Variants in SRGAP3 observed in about 807,000 individuals in gnomAD.
SRGAP3 encodes SLIT-ROBO Rho GTPase activating protein 3, also known as SLIT-ROBO Rho GTPase-activating protein 3.
SRGAP3 carries 39 observed loss-of-function variants against 121.1 expected under a neutral mutation model. That is an observed-to-expected ratio of 0.32 (90% CI 0.25 to 0.42). The LOEUF (loss-of-function observed/expected upper bound fraction) is 0.42. Among genes scored for constraint, SRGAP3 ranks in the 10% least tolerant of loss-of-function variants. The probability of loss-of-function intolerance (pLI) is 1.00; values close to 1 mark genes in which losing one functional copy is unlikely to be tolerated. For synonymous variants in SRGAP3, 601 were observed against 570.0 expected, an observed-to-expected ratio of 1.05 and a Z score of -0.77; for missense variants, 1,213 against 1,470.6, an observed-to-expected ratio of 0.82 and a Z score of 2.86.
intron 17 of SRGAP3, among the ~76,000 whole-genome samples, chr3:9,010,988 C>T (rs1179738608): frequency 6.6e-6 from 1 of 152,098 alleles, no homozygotes; most frequent in Admixed American, 6.6e-5. Flanking sequence ...GCTACTACCC[C>T]CTCACTAGAT....
At position 9,185,478 on chromosome 3, in the gene SRGAP3, G is replaced by A. The variant is rs553816322; in HGVS notation, c.68-60561C>T. 6.7e-5 allele frequency among the ~76,000 whole-genome samples: 10 copies of A among 149,832 alleles called. No individual in the cohort carries two copies. In the East Asian group the frequency reaches 1.7e-3, roughly 26 times the overall value. On this transcript the variant is annotated intron_variant, in intron 1 of 21. Transcript: ENST00000383836. The stretch of plus-strand genomic sequence containing the variant: ...ATCAATGGCACCCCTTTGTTGGGGT[G>A]GGGGGGCACTGCACTGGATAAATGT...
intron 1 of SRGAP3, among the ~76,000 whole-genome samples, chr3:9,226,389 T>A (rs1449446855): frequency 6.6e-6 from 1 of 152,174 alleles, no homozygotes; most frequent in Non-Finnish European, 1.5e-5. Context: ...GATGCCTAAA[T>A]CCCCACTCTT....
At chr3:9,293,325 G>A (rs1029145924) in intron 3 of SRGAP3, 1 of 152,166 alleles carries the variant, frequency 6.6e-6, no homozygotes, top group African/African-American at 2.4e-5. Flanking sequence ...GTGCCTCCTG[G>A]AAGGCTGGTA....
intron 4 of SRGAP3, among the ~76,000 whole-genome samples, chr3:9,077,143 CCAGTGGTTCACA>C (rs921415014): frequency 1.3e-5 from 2 of 150,928 alleles, no homozygotes; most frequent in African/African-American, 4.9e-5. Context: ...CCGACAAGCC[CCAGTGGTTCACA>C]CACTACTCTT....
At chr3:9,204,308 G>C (rs1293209440) in intron 1 of SRGAP3, among the ~76,000 whole-genome samples, 1 of 152,256 alleles carries the variant, frequency 6.6e-6, no homozygotes, top group South Asian at 2.1e-4. Context: ...GCCCTGGACA[G>C]AGCCTTAGCC....
At chr3:9,024,556 A>T (rs981396974) in intron 14 of SRGAP3, among the ~76,000 whole-genome samples, 2 of 152,126 alleles carry the variant, frequency 1.3e-5, no homozygotes, top group Non-Finnish European at 2.9e-5. Context: ...ATCTGTTCCT[A>T]TCAGGGATTC....
chr3:9,126,018 A>G lies in SRGAP3; in HGVS notation c.68-1101T>C, dbSNP rs538847516. 2.0e-5 allele frequency among the ~76,000 whole-genome samples: 3 copies of G among 152,346 alleles called. No homozygotes were observed. In the East Asian group the frequency reaches 5.8e-4, roughly 29 times the overall value. On this transcript the variant is annotated intron_variant, in intron 1 of 21. Coordinates refer to ENST00000383836, the MANE Select transcript of SRGAP3 (RefSeq NM_014850.4). ...GTGTGCCCCGTCTGAAATGGTGGCC[A>G]GCGTCATTTCAGCATCCTTCAGAGA...
chr3:9,074,970 C>T, intron 4 of SRGAP3, among the ~76,000 whole-genome samples: 1 of 152,226 alleles, frequency 6.6e-6, no homozygotes, highest in Non-Finnish European at 1.5e-5. Flanking sequence ...AGCAGAGCTG[C>T]TGAACACAGA....
At chr3:9,352,972 G>C (rs1019770016) in intron 1 of SRGAP3, among the ~76,000 whole-genome samples, 4 of 152,252 alleles carry the variant, frequency 2.6e-5, no homozygotes, top group Non-Finnish European at 4.4e-5. Flanking sequence ...CAAGGCCACA[G>C]TCTCTAGGGC....
intron 11 of SRGAP3, chr3:9,034,144 C>T (rs1944634706): frequency 6.6e-6 from 1 of 152,218 alleles, no homozygotes; most frequent in Non-Finnish European, 1.5e-5. Flanking sequence ...CCTGTGTTGG[C>T]TTATTTGCTC....
chr3:9,196,648 G>A (rs547924037), intron 1 of SRGAP3, among the ~76,000 whole-genome samples: 23 of 152,254 alleles, frequency 1.5e-4, no homozygotes, highest in African/African-American at 5.5e-4. Flanking sequence ...ATTTGCAGAA[G>A]TTTGTAACAT....
chr3:9,299,477 G>T (rs1191325087), intron 3 of SRGAP3, among the ~76,000 whole-genome samples: 1 of 152,086 alleles, frequency 6.6e-6, no homozygotes, highest in Non-Finnish European at 1.5e-5. Context: ...ACTAGTGGAA[G>T]AACAACCCAG....
rs990281101 is a variant in SRGAP3 at position 9,242,508 on chromosome 3, G to T, written c.67+6377C>A. 4.6e-5 allele frequency among the ~76,000 whole-genome samples: 7 copies of T among 152,100 alleles called. No individual in the cohort carries two copies. The South Asian group carries it at 1.0e-3, about 23-fold the overall frequency. ...AAATTAGCTGGGCATGGTGGCGAGT[G>T]CCTGTAGTCCCAGCTACTCGGTAGG... On this transcript the variant is annotated intron_variant, in intron 1 of 21. Coordinates refer to ENST00000383836, the MANE Select transcript of SRGAP3 (RefSeq NM_014850.4).
At chr3:9,247,416 T>C (rs1369817374) in intron 1 of SRGAP3, among the ~76,000 whole-genome samples, 5 of 152,154 alleles carry the variant, frequency 3.3e-5, no homozygotes, top group African/African-American at 1.2e-4. Context: ...CCAGAGGTGA[T>C]GAGCACGCTG....
At chr3:9,093,277 GAATT>G (rs1947830335) in intron 3 of SRGAP3, among the ~76,000 whole-genome samples, 3 of 152,238 alleles carry the variant, frequency 2.0e-5, no homozygotes, top group African/African-American at 7.2e-5. Context: ...TGTTTCACTT[GAATT>G]ATTTGTGGAC....
At chr3:9,049,735 T>C (rs1237284384) in intron 9 of SRGAP3, among the ~76,000 whole-genome samples, 2 of 152,000 alleles carry the variant, frequency 1.3e-5, no homozygotes, top group Non-Finnish European at 1.5e-5. Context: ...GTGTTCACAA[T>C]TCCAGTTGCC....
intron 1 of SRGAP3, among the ~76,000 whole-genome samples, chr3:9,353,794 G>C (rs534783867): frequency 1.6e-4 from 24 of 152,266 alleles, no homozygotes; most frequent in Admixed American, 6.5e-4. Context: ...GTCCCAAAAG[G>C]TTTTCTTGGG....
At chr3:9,166,138 C>T (rs749763160) in intron 1 of SRGAP3, among the ~76,000 whole-genome samples, 1 of 152,174 alleles carries the variant, frequency 6.6e-6, no homozygotes, top group Non-Finnish European at 1.5e-5. Flanking sequence ...TGAAGAATCT[C>T]CATCTGCCTG....
intron 1 of SRGAP3, among the ~76,000 whole-genome samples, chr3:9,145,122 G>A (rs117058544): frequency 6.6e-6 from 1 of 151,908 alleles, no homozygotes; most frequent in African/African-American, 2.4e-5. Flanking sequence ...TTCAGACAAG[G>A]TCTCACTCCG....
Sources: allele counts gnomAD v4.1 joint callset (sites outside exome capture counted in the v4.1 genomes callset), GRCh38; gene constraint gnomAD v4.1.1; transcripts MANE v1.5; gene names NCBI Gene and HGNC (gene_info 2026-07-23, HGNC 2026-07-21).